The following CPQ variants were observed in gnomAD, a reference collection of about 807,000 sequenced individuals.
The protein encoded by CPQ is Ser-Met dipeptidase.
CPQ carries 37 observed loss-of-function variants against 45.7 expected under a neutral mutation model. That is an observed-to-expected ratio of 0.81 (90% CI 0.62 to 1.07). The LOEUF is 1.07. CPQ is among the 50% of genes least tolerant of loss of function. The pLI is 0.00. For missense variants in CPQ, 537 were observed against 572.9 expected (o/e 0.94, Z 0.64); for synonymous variants, 186 against 205.8 (o/e 0.90, Z 0.82).
chr8:96,908,821 A>G (rs1812618683), intron 4 of CPQ, among the ~76,000 whole-genome samples: 1 of 150,606 alleles, frequency 6.6e-6, no homozygotes, highest in South Asian at 2.1e-4. Flanking sequence ...CTTTTGTATC[A>G]TGATTTCATA....
At chr8:96,680,943 G>A (rs1484392598) in intron 1 of CPQ, among the ~76,000 whole-genome samples, 2 of 152,086 alleles carry the variant, frequency 1.3e-5, no homozygotes, top group African/African-American at 2.4e-5. Context: ...AGAGATCTGT[G>A]GAACTTTGAA....
At chr8:96,742,668 C>T (rs544578690) in intron 1 of CPQ, among the ~76,000 whole-genome samples, 2 of 151,952 alleles carry the variant, frequency 1.3e-5, no homozygotes, top group Admixed American at 1.3e-4. Flanking sequence ...TAGGGCAGGC[C>T]TGGTGGTGAC....
intron 7 of CPQ, among the ~76,000 whole-genome samples, chr8:97,067,178 T>C (rs571939955): frequency 6.6e-6 from 1 of 151,986 alleles, no homozygotes; most frequent in East Asian, 1.9e-4. Context: ...CTGCCTGCCT[T>C]GGCTTCCCAA....
intron 4 of CPQ, among the ~76,000 whole-genome samples, chr8:96,885,313 G>A (rs1044559698): frequency 6.6e-6 from 1 of 152,104 alleles, no homozygotes; most frequent in African/African-American, 2.4e-5. Context: ...CATTCCTGAT[G>A]GCAGAACCCT....
intron 4 of CPQ, among the ~76,000 whole-genome samples, chr8:96,934,302 G>T (rs1813015748): frequency 6.6e-6 from 1 of 152,194 alleles, no homozygotes. Flanking sequence ...TGTTGCTATG[G>T]CATGGGAAGA....
intron 2 of CPQ, among the ~76,000 whole-genome samples, chr8:96,798,382 C>A (rs1411029587): frequency 2.6e-5 from 4 of 152,132 alleles, no homozygotes; most frequent in Non-Finnish European, 4.4e-5. Flanking sequence ...AAGTGATCTT[C>A]CTGACTTGGC....
chr8:97,114,981 T>G (rs1035919071), intron 7 of CPQ, among the ~76,000 whole-genome samples: 6 of 152,214 alleles, frequency 3.9e-5, no homozygotes, highest in Admixed American at 3.9e-4. Context: ...AGGCAGAAAC[T>G]GAATTTCCTC....
At chr8:96,647,283 A>G (rs1445990186) in intron 1 of CPQ, among the ~76,000 whole-genome samples, 2 of 152,218 alleles carry the variant, frequency 1.3e-5, no homozygotes, top group African/African-American at 4.8e-5. Flanking sequence ...AGTGGAATAC[A>G]CATGTTGCTT....
At chr8:96,724,753 A>T (rs1230680473) in intron 1 of CPQ, among the ~76,000 whole-genome samples, 2 of 152,218 alleles carry the variant, frequency 1.3e-5, no homozygotes, top group African/African-American at 4.8e-5. Flanking sequence ...TTAGATAAAA[A>T]CAATTCTAAA....
intron 7 of CPQ, among the ~76,000 whole-genome samples, chr8:97,140,688 T>C (rs934539601): frequency 6.6e-6 from 1 of 152,174 alleles, no homozygotes; most frequent in Admixed American, 6.5e-5. Context: ...AAAATACTTT[T>C]GGAGTATATT....
At chr8:96,933,930 G>A (rs945153290) in intron 4 of CPQ, among the ~76,000 whole-genome samples, 3 of 152,236 alleles carry the variant, frequency 2.0e-5, no homozygotes, top group African/African-American at 4.8e-5. Flanking sequence ...TATAAAATGC[G>A]AATAGTGCTA....
chr8:96,714,208 G>A (rs112759443), intron 1 of CPQ, among the ~76,000 whole-genome samples: 6 of 152,052 alleles, frequency 3.9e-5, no homozygotes, highest in African/African-American at 9.7e-5. Context: ...GAACTTTTCC[G>A]CAATTATTCC....
At chr8:96,894,844 T>G (rs1812422709) in intron 4 of CPQ, among the ~76,000 whole-genome samples, 1 of 152,216 alleles carries the variant, frequency 6.6e-6, no homozygotes, top group Non-Finnish European at 1.5e-5. Flanking sequence ...AATTAACTAA[T>G]GAAGAACACC....
At chr8:97,071,317 C>T (rs940088374) in intron 7 of CPQ, among the ~76,000 whole-genome samples, 1 of 152,090 alleles carries the variant, frequency 6.6e-6, no homozygotes, top group African/African-American at 2.4e-5. Context: ...CAGATAAGAT[C>T]CATGCTCTCA....
chr8:97,121,249 G>T (rs1461883979), intron 7 of CPQ, among the ~76,000 whole-genome samples: 1 of 152,190 alleles, frequency 6.6e-6, no homozygotes, highest in Non-Finnish European at 1.5e-5. Flanking sequence ...AGAAAAACTG[G>T]TTTGGGACTT....
chr8:97,019,721 T>C (rs1339713969), intron 5 of CPQ, among the ~76,000 whole-genome samples: 2 of 152,140 alleles, frequency 1.3e-5, no homozygotes, highest in East Asian at 1.9e-4. Flanking sequence ...CCCAAATTTA[T>C]AAAACAATTA....
chr8:96,894,085 G>A (rs1206077098), intron 4 of CPQ, among the ~76,000 whole-genome samples: 6 of 152,290 alleles, frequency 3.9e-5, no homozygotes, highest in Non-Finnish European at 8.8e-5. Flanking sequence ...CACTTGGAGA[G>A]GTCCAGGTGG....
chr8:96,801,525 A>G (rs1435194825), intron 2 of CPQ, among the ~76,000 whole-genome samples: 1 of 152,150 alleles, frequency 6.6e-6, no homozygotes, highest in African/African-American at 2.4e-5. Context: ...TTTTTATGTC[A>G]TACATCTTTG....
At chr8:96,783,047 TC>T (rs1810710833) in intron 1 of CPQ, among the ~76,000 whole-genome samples, 1 of 152,176 alleles carries the variant, frequency 6.6e-6, no homozygotes. Context: ...TCTAAGAAGT[TC>T]CCGACTTTCT....
Sources: gnomAD v4.1 joint callset for allele counts (sites outside exome capture counted in the v4.1 genomes callset) on GRCh38, gnomAD v4.1.1 for gene constraint, MANE v1.5 for transcripts, NCBI Gene and HGNC (gene_info 2026-07-23, HGNC 2026-07-21) for gene names.